The following FMN1 variants were observed in gnomAD, a reference collection of about 807,000 sequenced individuals.
The protein encoded by FMN1 is formin 1.
In FMN1, 110 loss-of-function variants were observed where a neutral mutation model predicts 132.4. The ratio of observed to expected loss-of-function variants is 0.83; its 90% CI spans 0.71 to 0.97. The LOEUF (loss-of-function observed/expected upper bound fraction) is 0.97, where lower values mean the gene tolerates loss of function less well. Among genes scored for constraint, FMN1 ranks in the 50% least tolerant of loss-of-function variants. FMN1 has a pLI of 0.00. For missense variants in FMN1, 1,792 were observed against 1,705.3 expected, an observed-to-expected ratio of 1.05 and a Z score of -0.90; for synonymous variants, 722 against 651.7, an observed-to-expected ratio of 1.11 and a Z score of -1.64.
At chr15:32,785,021 G>A (rs2056805422) in intron 19 of FMN1, among the ~76,000 whole-genome samples, 1 of 151,202 alleles carries the variant, frequency 6.6e-6, no homozygotes, top group African/African-American at 2.4e-5. Flanking sequence ...TTTTTGGAGG[G>A]GGGTTCATCT....
intron 6 of FMN1, among the ~76,000 whole-genome samples, chr15:33,035,341 G>A (rs1217953852): frequency 2.0e-5 from 3 of 152,112 alleles, no homozygotes; most frequent in Non-Finnish European, 2.9e-5. Context: ...AGTTAGCTAC[G>A]ATTAAAATAA....
intron 6 of FMN1, among the ~76,000 whole-genome samples, chr15:33,059,485 T>C (rs150445373): frequency 5.3e-4 from 80 of 152,340 alleles, no homozygotes; most frequent in African/African-American, 1.8e-3. Context: ...TTTTCCATAA[T>C]GGCCGTACTA....
chr15:32,902,949 T>G (rs952800674), intron 12 of FMN1, among the ~76,000 whole-genome samples: 1 of 152,222 alleles, frequency 6.6e-6, no homozygotes, highest in Non-Finnish European at 1.5e-5. Flanking sequence ...TCTGAAAGTC[T>G]TGGTCAACTC....
intron 6 of FMN1, among the ~76,000 whole-genome samples, chr15:33,060,745 A>G (rs781385016): frequency 1.1e-4 from 17 of 152,236 alleles, no homozygotes; most frequent in Non-Finnish European, 2.5e-4. Flanking sequence ...CCAGATGCAC[A>G]TTGAGAGAGA....
chr15:32,804,788 G>A (rs187926766), intron 17 of FMN1, among the ~76,000 whole-genome samples: 2 of 151,652 alleles, frequency 1.3e-5, no homozygotes, highest in East Asian at 3.9e-4. Flanking sequence ...GTGATAGTTT[G>A]CTGAGAATGA....
chr15:32,824,869 C>G (rs1469601224), intron 17 of FMN1, among the ~76,000 whole-genome samples: 2 of 152,230 alleles, frequency 1.3e-5, no homozygotes, highest in African/African-American at 4.8e-5. Context: ...TGCATTTCCC[C>G]TGCTCTGCTG....
intron 8 of FMN1, among the ~76,000 whole-genome samples, chr15:32,964,608 A>G (rs1382090565): frequency 6.6e-6 from 1 of 152,180 alleles, no homozygotes; most frequent in African/African-American, 2.4e-5. Flanking sequence ...ATGTGTAAAA[A>G]TGGGCATCAT....
intron 16 of FMN1, among the ~76,000 whole-genome samples, chr15:32,866,501 C>A (rs111774565): frequency 6.6e-6 from 1 of 152,182 alleles, no homozygotes; most frequent in African/African-American, 2.4e-5. Flanking sequence ...ATACTGTACG[C>A]GGCTTTATTC....
chr15:33,138,714 G>T (rs191053174), intron 4 of FMN1, among the ~76,000 whole-genome samples: 1 of 152,232 alleles, frequency 6.6e-6, no homozygotes, highest in East Asian at 1.9e-4. Flanking sequence ...ATGATTTAGG[G>T]CTCCAATCTG....
At chr15:33,109,716 C>G (rs2039623632) in intron 4 of FMN1, among the ~76,000 whole-genome samples, 1 of 151,656 alleles carries the variant, frequency 6.6e-6, no homozygotes, top group African/African-American at 2.4e-5. Context: ...GGGAGAGAAA[C>G]AGAAACAATA....
At chr15:32,994,063 C>G (rs1386990961) in intron 7 of FMN1, among the ~76,000 whole-genome samples, 1 of 152,192 alleles carries the variant, frequency 6.6e-6, no homozygotes, top group East Asian at 1.9e-4. Context: ...TTGCCTTTCT[C>G]CACCGCACTG....
intron 2 of FMN1, among the ~76,000 whole-genome samples, 187 bp from the exon 3 acceptor site, chr15:33,180,449 C>T (rs1350088438): frequency 3.3e-5 from 5 of 152,150 alleles, no homozygotes; most frequent in African/African-American, 9.7e-5. Context: ...GATCCTGCCT[C>T]TTCCGTGAGA....
At chr15:33,114,929 GAA>G (rs2039856743) in intron 4 of FMN1, among the ~76,000 whole-genome samples, 2 of 151,970 alleles carry the variant, frequency 1.3e-5, no homozygotes, top group Admixed American at 6.6e-5. Flanking sequence ...CCAGCTAACT[GAA>G]AAGTTTAGGG....
chr15:32,957,309 T>C (rs1266609356), intron 9 of FMN1, among the ~76,000 whole-genome samples: 1 of 144,684 alleles, frequency 6.9e-6, no homozygotes, highest in Admixed American at 6.9e-5. Context: ...TTTTTTTTTT[T>C]TTTTTTTTTT....
At chr15:33,118,942 A>C (rs968162276) in intron 4 of FMN1, among the ~76,000 whole-genome samples, 1 of 152,146 alleles carries the variant, frequency 6.6e-6, no homozygotes, top group Admixed American at 6.5e-5. Context: ...TAGACACATA[A>C]ATTCTTAGTT....
rs200979045 is a variant in FMN1 at position 32,798,814 on chromosome 15, A to G, written c.4120T>C (p.Ser1374Pro). 4.5e-4 allele frequency: 724 copies of G among 1,612,032 alleles called. No homozygotes were observed. The highest frequency in any genetic ancestry group is 5.7e-4 in the Non-Finnish European group (667 of 1,179,074). ...TTTTTTGAACCTTACCTTTCTTTAG[A>G]TATGTTTTTACTCTCCCGTTTCCAA... The part of the protein sequence containing the change: ...TIWKRESKNI[S>P]KERLKMAQES... The change falls in exon 19 of 21, where the codon TCT becomes CCT. Residue 1374 changes from serine to proline, a missense_variant. Physicochemically the swap from Ser to Pro is moderately conservative, Grantham distance 74. Coordinates refer to ENST00000616417, the MANE Select transcript of FMN1 (RefSeq NM_001277313.2).
At chr15:32,964,042 CACACACATAT>C (rs2030921318) in intron 9 of FMN1, 55 bp downstream of exon 9, 3 of 1,193,746 alleles carry the variant, frequency 2.5e-6, no homozygotes, top group Non-Finnish European at 3.6e-6. Flanking sequence ...CACACACACA[CACACACATAT>C]ATACCATTTC....
At chr15:32,862,910 C>G (rs1477375633) in intron 16 of FMN1, among the ~76,000 whole-genome samples, 1 of 152,200 alleles carries the variant, frequency 6.6e-6, no homozygotes, top group East Asian at 1.9e-4. Context: ...CCCACCCTTC[C>G]ACAGTCCTGC....
At chr15:33,022,607 A>G (rs1250879324) in intron 6 of FMN1, among the ~76,000 whole-genome samples, 4 of 152,220 alleles carry the variant, frequency 2.6e-5, no homozygotes, top group Non-Finnish European at 5.9e-5. Flanking sequence ...AAAGACACAG[A>G]CAAGTACCAA....
Sources: gnomAD v4.1 joint callset for allele counts (sites outside exome capture counted in the v4.1 genomes callset) on GRCh38, gnomAD v4.1.1 for gene constraint, MANE v1.5 for transcripts, NCBI Gene and HGNC (gene_info 2026-07-23, HGNC 2026-07-21) for gene names.